DLGAP2: variants seen among roughly 807,000 people sequenced by gnomAD.
The protein encoded by DLGAP2 is DLG associated protein 2.
DLGAP2 carries 26 observed loss-of-function variants against 100.3 expected under a neutral mutation model. The observed-to-expected ratio is 0.26, with a 90% CI of 0.19 to 0.36. DLGAP2 has a LOEUF of 0.36. Ranked by LOEUF, DLGAP2 falls within the 10% of genes least tolerant of loss-of-function variation. DLGAP2 has a pLI of 1.00. For synonymous variants in DLGAP2, 886 were observed against 630.1 expected, an observed-to-expected ratio of 1.41 and a Z score of -6.08; for missense variants, 1,858 against 1,453.2, an observed-to-expected ratio of 1.28 and a Z score of -4.53.
intron 3 of DLGAP2, among the ~76,000 whole-genome samples, chr8:1,442,963 T>G (rs908363079): frequency 2.6e-5 from 4 of 152,264 alleles, no homozygotes; most frequent in African/African-American, 9.6e-5. Flanking sequence ...CAAGCAAAAC[T>G]TATTTGCTTA....
chr8:1,427,350 ACT>A (rs992526380), intron 3 of DLGAP2, among the ~76,000 whole-genome samples: 1 of 152,180 alleles, frequency 6.6e-6, no homozygotes, highest in African/African-American at 2.4e-5. Flanking sequence ...TAGAATAAAC[ACT>A]CTTTTTAAGC....
At chr8:1,073,788 G>A (rs1299815407) in intron 2 of DLGAP2, among the ~76,000 whole-genome samples, 15 of 152,194 alleles carry the variant, frequency 9.9e-5, no homozygotes, top group Admixed American at 9.8e-4. Context: ...CTTCCCAAAC[G>A]CTTTATCTTT....
chr8:1,448,391 G>A (rs1226700139), intron 3 of DLGAP2, among the ~76,000 whole-genome samples: 3 of 152,150 alleles, frequency 2.0e-5, no homozygotes, highest in Non-Finnish European at 4.4e-5. Flanking sequence ...ATGTAGTTGA[G>A]TGGTTTTGAG....
At chr8:1,277,794 T>C (rs1799734232) in intron 3 of DLGAP2, among the ~76,000 whole-genome samples, 1 of 152,056 alleles carries the variant, frequency 6.6e-6, no homozygotes, top group South Asian at 2.1e-4. Context: ...ACCTCACCTT[T>C]CTCCGCACGT....
At chr8:897,285 CCT>C (rs760917307) in intron 1 of DLGAP2, among the ~76,000 whole-genome samples, 1 of 152,142 alleles carries the variant, frequency 6.6e-6, no homozygotes, top group Non-Finnish European at 1.5e-5. Context: ...TTCTCCAAAC[CCT>C]GTTTGCTCTA....
At chr8:1,267,580 A>AG (rs1799484330) in intron 3 of DLGAP2, among the ~76,000 whole-genome samples, 6 of 57,896 alleles carry the variant, frequency 1.0e-4, no homozygotes, top group Non-Finnish European at 2.1e-4. Flanking sequence ...AAATAAAATA[A>AG]AATAAAATAA....
At chr8:852,150 T>TA (rs141059913) in intron 1 of DLGAP2, among the ~76,000 whole-genome samples, 36 of 148,496 alleles carry the variant, frequency 2.4e-4, no homozygotes, top group African/African-American at 5.9e-4. Context: ...CATTGGAAGC[T>TA]AAAAAAAAAA....
intron 4 of DLGAP2, among the ~76,000 whole-genome samples, chr8:1,548,291 C>T (rs1396009788): frequency 1.3e-5 from 2 of 151,688 alleles, no homozygotes; most frequent in African/African-American, 2.4e-5. Flanking sequence ...GAAACCTCGT[C>T]TCTACTAAAA....
intron 1 of DLGAP2, among the ~76,000 whole-genome samples, chr8:776,632 T>C (rs928537554): frequency 2.0e-5 from 3 of 152,242 alleles, no homozygotes; most frequent in Non-Finnish European, 4.4e-5. Context: ...AGGAGCAGGT[T>C]GTTCAGTTTC....
intron 2 of DLGAP2, among the ~76,000 whole-genome samples, chr8:1,036,250 C>T (rs1313927728): frequency 2.0e-5 from 3 of 152,204 alleles, no homozygotes; most frequent in Non-Finnish European, 4.4e-5. Flanking sequence ...TTCACACGCT[C>T]ATCCCGACCC....
At chr8:747,740 GGCTCTGCGGTGGGATGGGGGT>G (rs1563409207) in intron 1 of DLGAP2, among the ~76,000 whole-genome samples, 16 of 52,836 alleles carry the variant, frequency 3.0e-4, no homozygotes, top group Non-Finnish European at 4.9e-4. Context: ...GGGATGGGGG[GGCTCTGCGGTGGGATGGGGGT>G]CTCTGCGGTG....
At chr8:1,113,401 A>C (rs1033943107) in intron 2 of DLGAP2, among the ~76,000 whole-genome samples, 1 of 152,300 alleles carries the variant, frequency 6.6e-6, no homozygotes, top group East Asian at 1.9e-4. Context: ...ATTCTCATTG[A>C]AGAGATCTTT....
intron 2 of DLGAP2, among the ~76,000 whole-genome samples, chr8:941,128 C>A (rs957645249): frequency 3.3e-5 from 5 of 152,138 alleles, no homozygotes; most frequent in Non-Finnish European, 7.3e-5. Flanking sequence ...GTGGGACCCT[C>A]AGGGGGGTCG....
intron 11 of DLGAP2, among the ~76,000 whole-genome samples, chr8:1,677,642 G>A (rs1339024097): frequency 6.6e-6 from 1 of 152,170 alleles, no homozygotes. Flanking sequence ...CAACTATTTT[G>A]GTGATCAGCT....
intron 3 of DLGAP2, among the ~76,000 whole-genome samples, chr8:1,307,066 ATTAAGGGACACT>A (rs1357805460): frequency 6.6e-6 from 1 of 152,202 alleles, no homozygotes; most frequent in African/African-American, 2.4e-5. Flanking sequence ...GCTTGTGTGC[ATTAAGGGACACT>A]TTCAGCTGAA....
chr8:1,238,240 G>T (rs1366758939), intron 2 of DLGAP2, among the ~76,000 whole-genome samples: 20 of 52,024 alleles, frequency 3.8e-4, no homozygotes, highest in African/African-American at 1.6e-3. Context: ...CTCTCACATG[G>T]TGCCATGTCT....
intron 2 of DLGAP2, among the ~76,000 whole-genome samples, chr8:932,451 G>A (rs1352563249): frequency 2.6e-5 from 4 of 152,214 alleles, no homozygotes; most frequent in Admixed American, 6.5e-5. Flanking sequence ...CAAGTGCAAC[G>A]TGTGGTTTTG....
intron 2 of DLGAP2, among the ~76,000 whole-genome samples, chr8:1,093,929 A>G (rs545936172): frequency 6.6e-6 from 1 of 151,274 alleles, no homozygotes; most frequent in Non-Finnish European, 1.5e-5. Context: ...GCTGAAGTCC[A>G]TGCCTCTCTG....
At chr8:935,926 C>T (rs960697890) in intron 2 of DLGAP2, among the ~76,000 whole-genome samples, 4 of 152,144 alleles carry the variant, frequency 2.6e-5, no homozygotes, top group Non-Finnish European at 5.9e-5. Flanking sequence ...ATTTGGAGAG[C>T]TGCATAAGAG....
Sources: gnomAD v4.1 joint callset for allele counts (sites outside exome capture counted in the v4.1 genomes callset) on GRCh38, gnomAD v4.1.1 for gene constraint, MANE v1.5 for transcripts, NCBI Gene and HGNC (gene_info 2026-07-23, HGNC 2026-07-21) for gene names.